The following TASP1 variants were observed in gnomAD, a reference collection of about 807,000 sequenced individuals.
TASP1 encodes threonine aspartase 1.
A neutral mutation model predicts 56.6 loss-of-function variants in TASP1; 16 were observed. The observed-to-expected ratio is 0.28, with a 90% CI of 0.19 to 0.43. The LOEUF is 0.43. Among genes scored for constraint, TASP1 ranks in the 20% least tolerant of loss-of-function variants. The probability of loss-of-function intolerance (pLI) is 1.00; values close to 1 mark genes in which losing one functional copy is unlikely to be tolerated. For missense variants in TASP1, 393 were observed against 511.6 expected, an observed-to-expected ratio of 0.77 and a Z score of 2.24; for synonymous variants, 179 against 184.2, an observed-to-expected ratio of 0.97 and a Z score of 0.23.
At chr20:13,583,539 T>C (rs2047197677) in intron 5 of TASP1, among the ~76,000 whole-genome samples, 1 of 152,218 alleles carries the variant, frequency 6.6e-6, no homozygotes, top group South Asian at 2.1e-4. Flanking sequence ...TATGGTATGG[T>C]TTCTGTCTTC....
intron 10 of TASP1, among the ~76,000 whole-genome samples, chr20:13,517,287 G>A (rs1285942306): frequency 6.6e-6 from 1 of 152,018 alleles, no homozygotes; most frequent in East Asian, 1.9e-4. Context: ...CATAAAATAA[G>A]AGCCTCTAAA....
At chr20:13,508,021 C>G (rs1001176298) in intron 10 of TASP1, among the ~76,000 whole-genome samples, 2 of 151,974 alleles carry the variant, frequency 1.3e-5, no homozygotes, top group African/African-American at 2.4e-5. Context: ...AACTGAATAT[C>G]TACGTGCAAA....
intron 7 of TASP1, among the ~76,000 whole-genome samples, chr20:13,563,703 C>T (rs1284983358): frequency 6.7e-6 from 1 of 149,384 alleles, no homozygotes; most frequent in Non-Finnish European, 1.5e-5. Flanking sequence ...CAGGGCCTCA[C>T]TATGTTGCCC....
At chr20:13,194,367 T>C in the TASP1 span, among the ~76,000 whole-genome samples, 30 of 152,324 alleles carry the variant, frequency 2.0e-4, no homozygotes, top group African/African-American at 7.2e-4. Context: ...GTTTAAGTTA[T>C]ATCATTCTAG....
At chr20:13,413,316 T>C (rs775429298) in intron 13 of TASP1, among the ~76,000 whole-genome samples, 5 of 152,164 alleles carry the variant, frequency 3.3e-5, no homozygotes, top group Non-Finnish European at 5.9e-5. Flanking sequence ...TGTCAGAGTA[T>C]GACACAGGGT....
chr20:13,568,204 G>C (rs1161156268), intron 7 of TASP1, among the ~76,000 whole-genome samples: 1 of 151,968 alleles, frequency 6.6e-6, no homozygotes, highest in Non-Finnish European at 1.5e-5. Context: ...CTGGAATACA[G>C]TGGTGCAATC....
At chr20:13,157,361 C>T in the TASP1 span, among the ~76,000 whole-genome samples, 4 of 151,918 alleles carry the variant, frequency 2.6e-5, no homozygotes, top group Admixed American at 6.6e-5. Context: ...CGCTGGAACC[C>T]GGGAGGTGGA....
At chr20:13,214,519 GCACACACACA>G in the TASP1 span, among the ~76,000 whole-genome samples, 5,079 of 115,630 alleles carry the variant, frequency 0.044, 287 homozygotes, top group East Asian at 0.21. Context: ...ACAGAGACAG[GCACACACACA>G]CACACACACA....
chr20:13,226,761 G>C, the TASP1 span, among the ~76,000 whole-genome samples: 1 of 152,192 alleles, frequency 6.6e-6, no homozygotes, highest in Non-Finnish European at 1.5e-5. Flanking sequence ...AGCAGCAAGA[G>C]AATAAAAGCA....
the TASP1 span, among the ~76,000 whole-genome samples, chr20:13,328,347 A>G: frequency 6.6e-6 from 1 of 152,236 alleles, no homozygotes; most frequent in South Asian, 2.1e-4. Context: ...GAACCCTGTT[A>G]CATTGTTGGT....
the TASP1 span, among the ~76,000 whole-genome samples, chr20:13,378,955 A>G: frequency 6.6e-6 from 1 of 151,954 alleles, no homozygotes; most frequent in Non-Finnish European, 1.5e-5. Flanking sequence ...CTTTATTTTG[A>G]GCCTATGTGT....
rs1251323393 is a variant in TASP1, at chr20:13,593,421, G to A, written c.283-6051C>T. ...GGTGGGGCATCGCCTCACCCAGGAA[G>A]CACAAGGGGTCGGAGGATTTCCCTT... On this transcript the variant is annotated intron_variant, in intron 4 of 13. Coordinates refer to ENST00000337743, the MANE Select transcript of TASP1 (RefSeq NM_017714.3). Among the ~76,000 whole-genome samples the A allele has an allele frequency of 2.0e-5, 3 of 152,206 alleles. No homozygotes were observed. In the East Asian group the frequency reaches 5.8e-4, roughly 29 times the overall value.
At chr20:13,302,545 G>A in the TASP1 span, among the ~76,000 whole-genome samples, 1 of 152,194 alleles carries the variant, frequency 6.6e-6, no homozygotes, top group Non-Finnish European at 1.5e-5. Context: ...AGTTCACTCA[G>A]TGGGCAGTAG....
the TASP1 span, among the ~76,000 whole-genome samples, chr20:13,306,633 G>A: frequency 6.6e-6 from 1 of 151,060 alleles, no homozygotes; most frequent in African/African-American, 2.4e-5. Flanking sequence ...TCTCTAAGGG[G>A]CCTCTAAAGT....
intron 4 of TASP1, among the ~76,000 whole-genome samples, chr20:13,609,842 T>C (rs2048289762): frequency 6.6e-6 from 1 of 151,784 alleles, no homozygotes; most frequent in Admixed American, 6.6e-5. Context: ...AGCCAAAAGG[T>C]AGAAACAACC....
chr20:13,458,538 C>G (rs1028699681), intron 11 of TASP1, among the ~76,000 whole-genome samples: 3 of 151,974 alleles, frequency 2.0e-5, no homozygotes, highest in Non-Finnish European at 2.9e-5. Flanking sequence ...TGGGGTTTTA[C>G]CATGTTGGCC....
At chr20:13,553,979 A>G (rs2046068132) in intron 8 of TASP1, among the ~76,000 whole-genome samples, 1 of 152,180 alleles carries the variant, frequency 6.6e-6, no homozygotes. Context: ...CCCCTTCTCA[A>G]CTACTAAGGA....
At chr20:13,366,065 AATG>A in the TASP1 span, among the ~76,000 whole-genome samples, 1 of 152,212 alleles carries the variant, frequency 6.6e-6, no homozygotes, top group East Asian at 1.9e-4. Flanking sequence ...CATCAGCTGA[AATG>A]ATGAATTCTG....
the TASP1 span, among the ~76,000 whole-genome samples, chr20:13,132,282 C>T: frequency 6.7e-6 from 1 of 148,612 alleles, no homozygotes; most frequent in African/African-American, 2.5e-5. Flanking sequence ...GCTCAAGTGA[C>T]TCTTGTGCCT....
Sources: allele counts gnomAD v4.1 joint callset (sites outside exome capture counted in the v4.1 genomes callset), GRCh38; gene constraint gnomAD v4.1.1; transcripts MANE v1.5; gene names NCBI Gene and HGNC (gene_info 2026-07-23, HGNC 2026-07-21).